The following SAMD11 variants were observed in gnomAD, a reference collection of about 807,000 sequenced individuals.
The protein encoded by SAMD11 is sterile alpha motif domain containing 11.
SAMD11 carries 77 observed loss-of-function variants against 64.4 expected under a neutral mutation model. The observed-to-expected ratio is 1.20, with a 90% CI of 0.99 to 1.44. The LOEUF (loss-of-function observed/expected upper bound fraction) is 1.44, where lower values mean the gene tolerates loss of function less well. Among genes scored for constraint, SAMD11 ranks in the 40% most tolerant of loss-of-function variants. The pLI is 0.00. For synonymous variants in SAMD11, 658 were observed against 421.9 expected, an observed-to-expected ratio of 1.56 and a Z score of -6.86; for missense variants, 1,402 against 943.3, an observed-to-expected ratio of 1.49 and a Z score of -6.37.
Position 942,676 on chromosome 1 carries a change from C to A in SAMD11, c.1671C>A (p.Arg557=). 7.0e-7 allele frequency: 1 copy of A among 1,433,450 alleles called. No homozygotes were observed. Among genetic ancestry groups the A allele is most frequent in the Non-Finnish European group, 9.1e-7 (1 of 1,102,352 alleles). The allele number at this position is 1,433,450 out of a possible 1,614,324, so 88.8% of individuals were successfully genotyped here. A position where few individuals can be genotyped will look rare whatever the true frequency, so the allele number is the denominator to read the frequency against. The change falls in exon 11 of 14, where the codon CGC becomes CGA. Residue 557 remains arginine (R), a synonymous_variant. Coordinates refer to ENST00000616016, the MANE Select transcript of SAMD11 (RefSeq NM_001385641.1). ...ACGGCGCCGAGGAGCTGCAGCGGCGCGGGGCCCTGCTGGTGCTGAACCACG... is the reference window on the plus strand; with the variant it reads ...ACGGCGCCGAGGAGCTGCAGCGGCGAGGGGCCCTGCTGGTGCTGAACCACG... ...PNDGAEELQR[R]GALLVLNHGA...
At chr1:930,930 T>A in intron 3 of SAMD11, 109 bp from the exon 4 acceptor site, 1 of 1,071,458 alleles carries the variant, frequency 9.3e-7, no homozygotes, top group Non-Finnish European at 1.4e-6. Context: ...CCCAGGGCTG[T>A]GGCCCAGCGG....
chr1:943,068 C>T lies in SAMD11; in HGVS notation c.2053+10C>T, dbSNP rs760905858. On this transcript the variant is annotated intron_variant, in intron 11 of 13. Coordinates refer to ENST00000616016, the MANE Select transcript of SAMD11 (RefSeq NM_001385641.1). ...CCCTACTTCCACACAGGTGGGCACC[C>T]CCACACTCTAGATCCTTCCAGAGGG... The T allele has an allele frequency of 3.3e-6, 5 of 1,537,766 alleles. No homozygotes were observed. The highest frequency in any genetic ancestry group is 4.6e-5 in the East Asian group (2 of 43,610).
chr1:943,885 C>T (rs755947284), intron 13 of SAMD11, 23 bp from the exon 14 acceptor site: 4 of 1,612,832 alleles, frequency 2.5e-6, no homozygotes, highest in Admixed American at 1.7e-5. Flanking sequence ...TGCGACAGCC[C>T]CCACCAGGCC....
chr1:936,011 C>T, intron 5 of SAMD11, 115 bp downstream of exon 5: 5 of 1,138,960 alleles, frequency 4.4e-6, no homozygotes, highest in Non-Finnish European at 6.2e-6. Context: ...GGAGGAGCGG[C>T]CTGTCCCCCA....
chr1:942,294 C>T, intron 9 of SAMD11, 43 bp downstream of exon 9: 1 of 1,030,570 alleles, frequency 9.7e-7, no homozygotes, highest in Non-Finnish European at 1.3e-6. Context: ...CGCGTGGAGG[C>T]TCGCGGACCC....
intron 4 of SAMD11, among the ~76,000 whole-genome samples, chr1:934,988 G>T (rs1427108338): frequency 6.6e-6 from 1 of 151,908 alleles, no homozygotes; most frequent in Non-Finnish European, 1.5e-5. Flanking sequence ...ACTGCTCAGG[G>T]AGTGGCGCCT....
intron 4 of SAMD11, among the ~76,000 whole-genome samples, chr1:931,536 G>C (rs1188514888): frequency 6.6e-6 from 1 of 152,188 alleles, no homozygotes; most frequent in African/African-American, 2.4e-5. Context: ...GATGTCTGCA[G>C]AGTAGAGGAA....
chr1:930,534 C>T (rs1448833090), intron 3 of SAMD11, among the ~76,000 whole-genome samples, 198 bp downstream of exon 3: 1 of 152,220 alleles, frequency 6.6e-6, no homozygotes, highest in East Asian at 1.9e-4. Context: ...CCTCCCACCT[C>T]TGCTCTGCGG....
At chr1:942,099 G>A (rs1177021287) in intron 8 of SAMD11, 37 bp from the exon 9 acceptor site, 4 of 619,272 alleles carry the variant, frequency 6.5e-6, no homozygotes, top group Admixed American at 3.8e-5. Context: ...GGGAACGGGG[G>A]CGGGGGGGAC....
chr1:944,523 C>T lies in SAMD11; in HGVS notation c.*370C>T, dbSNP rs1455551356. 4.8e-6 allele frequency: 3 copies of T among 626,464 alleles called. No individual in the cohort carries two copies. Among genetic ancestry groups the T allele is most frequent in the East Asian group, 3.0e-5 (1 of 33,850 alleles). The allele number at this position is 626,464 out of a possible 1,614,324, so 38.8% of individuals were successfully genotyped here. Reference sequence around the variant, plus strand: ...GCAGCCACACCAGCCCAGCCCAGCCCAGCTCTCGATACGTTTGGTCTTTCA... The same window carrying T: ...GCAGCCACACCAGCCCAGCCCAGCCTAGCTCTCGATACGTTTGGTCTTTCA... On this transcript the variant is annotated 3_prime_UTR_variant, in exon 14 of 14. Coordinates refer to ENST00000616016, the MANE Select transcript of SAMD11 (RefSeq NM_001385641.1).
At chr1:935,967 G>C in intron 5 of SAMD11, 71 bp downstream of exon 5, 1 of 1,503,888 alleles carries the variant, frequency 6.6e-7, no homozygotes. Context: ...TCTCCACTCA[G>C]CACCAGCAGC....
At chr1:940,975 C>A in intron 7 of SAMD11, 169 bp from the exon 8 acceptor site, 1 of 546,732 alleles carries the variant, frequency 1.8e-6, no homozygotes, top group African/African-American at 2.0e-5. Flanking sequence ...TCTGCCGTCT[C>A]GGCCCTGTGG....
At chr1:936,429 C>T (rs1442566251) in intron 5 of SAMD11, among the ~76,000 whole-genome samples, 4 of 125,574 alleles carry the variant, frequency 3.2e-5, no homozygotes, top group East Asian at 1.9e-4. Context: ...AGGGGGTCCC[C>T]GGTCGGTCCC....
intron 9 of SAMD11, 51 bp from the exon 10 acceptor site, chr1:942,359 G>C: frequency 1.6e-6 from 2 of 1,227,370 alleles, no homozygotes; most frequent in Middle Eastern, 2.7e-4. Flanking sequence ...CAAAGGGCCG[G>C]CTCGGACCGC....
At position 931,065 on chromosome 1, in the gene SAMD11, T is replaced by A. The variant is rs747478489; in HGVS notation, c.818T>A (p.Ile273Asn). ...RRVHTHWDVN[I>N]SFREASCSQD... Reference sequence around the variant, plus strand: ...GTCCACACCCACTGGGACGTGAACATCTCTTTCCGAGAGGCGTCCTGCAGG... The same window carrying A: ...GTCCACACCCACTGGGACGTGAACAACTCTTTCCGAGAGGCGTCCTGCAGG... The change falls in exon 4 of 14, where the codon ATC becomes AAC. Residue 273 changes from isoleucine to asparagine, a missense_variant. Coordinates refer to ENST00000616016, the MANE Select transcript of SAMD11 (RefSeq NM_001385641.1). 3 of 1,612,754 alleles carry A rather than the reference T, an allele frequency of 1.9e-6. No individual in the cohort carries two copies. In the South Asian group the frequency reaches 3.3e-5, roughly 18 times the overall value.
At position 941,311 on chromosome 1, in the gene SAMD11, T is replaced by C. The variant is rs1641752446; in HGVS notation, c.1358+5T>C. The C allele has an allele frequency of 1.3e-6, 2 of 1,556,388 alleles. No individual in the cohort carries two copies. Among genetic ancestry groups the C allele is most frequent in the Non-Finnish European group, 1.7e-6 (2 of 1,151,586 alleles). ...CGCCCCGTCCTTCTCGGAGAGGTAC[T>C]GGGGTGGCTGCCGTTCTCTGCTTGT... On this transcript the variant is annotated splice_donor_5th_base_variant and intron_variant, in intron 8 of 13. Coordinates refer to ENST00000616016, the MANE Select transcript of SAMD11 (RefSeq NM_001385641.1).
intron 7 of SAMD11, 34 bp from the exon 8 acceptor site, chr1:941,110 G>A (rs781218880): frequency 2.6e-6 from 4 of 1,560,534 alleles, no homozygotes; most frequent in Admixed American, 3.7e-5. Context: ...AGGGCGCATA[G>A]CCGGGGGGAT....
chr1:941,084 C>T (rs1389585824), intron 7 of SAMD11, 60 bp from the exon 8 acceptor site: 15 of 1,458,420 alleles, frequency 1.0e-5, no homozygotes, highest in Non-Finnish European at 1.4e-5. Context: ...CGCCAGGACG[C>T]GGGCTGGGGA....
chr1:943,476 T>A, intron 12 of SAMD11, 99 bp downstream of exon 12: 11 of 1,100,048 alleles, frequency 1.0e-5, no homozygotes, highest in Admixed American at 2.5e-5. Flanking sequence ...CCCAACGCCC[T>A]CTCCCTCCCC....
Sources: gnomAD v4.1 joint callset for allele counts (sites outside exome capture counted in the v4.1 genomes callset) on GRCh38, gnomAD v4.1.1 for gene constraint, MANE v1.5 for transcripts, NCBI Gene and HGNC (gene_info 2026-07-23, HGNC 2026-07-21) for gene names.